Variants in ADARB2 observed in about 807,000 individuals in gnomAD.
The protein encoded by ADARB2 is inactive double-stranded RNA-specific editase B2.
ADARB2 carries 25 observed loss-of-function variants against 62.2 expected under a neutral mutation model. That is an observed-to-expected ratio of 0.40 (90% CI 0.29 to 0.56). The LOEUF (loss-of-function observed/expected upper bound fraction) is 0.56. Ranked by LOEUF, ADARB2 falls within the 20% of genes least tolerant of loss-of-function variation. The pLI is 0.43. For missense variants in ADARB2, 1,071 were observed against 1,077.4 expected, an observed-to-expected ratio of 0.99 and a Z score of 0.08; for synonymous variants, 572 against 500.8, an observed-to-expected ratio of 1.14 and a Z score of -1.90.
At chr10:1,695,861 TACACACACATGCATGAGG>T (rs1445591099) in intron 1 of ADARB2, among the ~76,000 whole-genome samples, 8 of 151,942 alleles carry the variant, frequency 5.3e-5, no homozygotes, top group Admixed American at 1.3e-4. Context: ...TGCATCCATG[TACACACACATGCATGAGG>T]ACACACACAT....
At chr10:1,263,039 C>G (rs11250365) in intron 4 of ADARB2, among the ~76,000 whole-genome samples, 54,828 of 149,364 alleles carry the variant, frequency 0.37, 10,149 homozygotes, top group South Asian at 0.52. Flanking sequence ...GGACAAAAAA[C>G]CAAACACTGC....
At chr10:1,357,481 GT>G (rs11405570) in intron 3 of ADARB2, among the ~76,000 whole-genome samples, 1 of 151,850 alleles carries the variant, frequency 6.6e-6, no homozygotes, top group East Asian at 1.9e-4. Context: ...GGGATGCATG[GT>G]TTTTTTAGCA....
chr10:1,517,847 TC>T (rs1480075096), intron 1 of ADARB2, among the ~76,000 whole-genome samples: 1 of 152,032 alleles, frequency 6.6e-6, no homozygotes, highest in Non-Finnish European at 1.5e-5. Context: ...CTCCTGTGAA[TC>T]CCCAGGATAG....
At chr10:1,581,596 A>T (rs550607293) in intron 1 of ADARB2, among the ~76,000 whole-genome samples, 1 of 152,332 alleles carries the variant, frequency 6.6e-6, no homozygotes, top group South Asian at 2.1e-4. Context: ...AGAGTATCTG[A>T]TACTACTCAC....
intron 1 of ADARB2, among the ~76,000 whole-genome samples, chr10:1,666,601 A>T (rs1282535504): frequency 6.6e-6 from 1 of 152,132 alleles, no homozygotes; most frequent in Non-Finnish European, 1.5e-5. Context: ...GCCGAGGGGG[A>T]ATTCTGAATG....
At chr10:1,554,563 A>C (rs993078332) in intron 1 of ADARB2, among the ~76,000 whole-genome samples, 4 of 151,940 alleles carry the variant, frequency 2.6e-5, no homozygotes, top group Admixed American at 1.3e-4. Context: ...AGGTGACTTC[A>C]GGGCACAGAT....
intron 1 of ADARB2, among the ~76,000 whole-genome samples, chr10:1,459,215 C>T (rs1176874032): frequency 1.3e-5 from 2 of 152,148 alleles, no homozygotes; most frequent in African/African-American, 4.8e-5. Context: ...ATCATAAAGA[C>T]GTACGCACGT....
chr10:1,654,314 C>T (rs1270449593), intron 1 of ADARB2, among the ~76,000 whole-genome samples: 1 of 152,156 alleles, frequency 6.6e-6, no homozygotes, highest in Non-Finnish European at 1.5e-5. Flanking sequence ...ACGCCTCCCC[C>T]GAGGGTCTTA....
chr10:1,665,474 C>T (rs1338657224), intron 1 of ADARB2, among the ~76,000 whole-genome samples: 7 of 152,248 alleles, frequency 4.6e-5, no homozygotes, highest in African/African-American at 1.4e-4. Flanking sequence ...AGGACCTCCA[C>T]GAATGCCTTC....
chr10:1,645,981 C>G (rs763481690), intron 1 of ADARB2, among the ~76,000 whole-genome samples: 1 of 152,200 alleles, frequency 6.6e-6, no homozygotes, highest in African/African-American at 2.4e-5. Context: ...AGACATGAAA[C>G]AGATAATGAC....
chr10:1,646,487 G>A (rs1486468993), intron 1 of ADARB2, among the ~76,000 whole-genome samples: 2 of 152,218 alleles, frequency 1.3e-5, no homozygotes, highest in African/African-American at 4.8e-5. Context: ...TGTGGGTCTT[G>A]ATGACTATTG....
At chr10:1,396,625 C>T (rs576998106) in intron 1 of ADARB2, among the ~76,000 whole-genome samples, 23 of 151,056 alleles carry the variant, frequency 1.5e-4, no homozygotes, top group Non-Finnish European at 2.5e-4. Context: ...TCTCCCCTCC[C>T]GAGTGCAGGC....
At chr10:1,529,907 C>A (rs1832202524) in intron 1 of ADARB2, among the ~76,000 whole-genome samples, 2 of 39,638 alleles carry the variant, frequency 5.0e-5, no homozygotes, top group Non-Finnish European at 8.1e-5. Flanking sequence ...ACCACGGACA[C>A]CCATCCACTG....
At chr10:1,602,656 A>C (rs1312783839) in intron 1 of ADARB2, among the ~76,000 whole-genome samples, 2 of 151,350 alleles carry the variant, frequency 1.3e-5, no homozygotes, top group African/African-American at 2.4e-5. Context: ...ACACACCTGT[A>C]CATACACATC....
chr10:1,504,075 A>T (rs536861645), intron 1 of ADARB2, among the ~76,000 whole-genome samples: 28 of 152,248 alleles, frequency 1.8e-4, no homozygotes, highest in Non-Finnish European at 3.4e-4. Context: ...TCACTCTGCC[A>T]GTATTTCATG....
chr10:1,661,626 A>T (rs979136590), intron 1 of ADARB2, among the ~76,000 whole-genome samples: 9 of 152,338 alleles, frequency 5.9e-5, no homozygotes, highest in African/African-American at 1.7e-4. Context: ...TGGGGAGTAC[A>T]GAACCAGCCC....
intron 3 of ADARB2, among the ~76,000 whole-genome samples, chr10:1,277,562 G>T (rs1328371571): frequency 2.6e-5 from 4 of 152,028 alleles, no homozygotes; most frequent in African/African-American, 9.7e-5. Flanking sequence ...AGGAAGAAGT[G>T]GAATCTCTGA....
intron 4 of ADARB2, among the ~76,000 whole-genome samples, chr10:1,268,650 T>C (rs1192138801): frequency 6.6e-6 from 1 of 152,188 alleles, no homozygotes; most frequent in Non-Finnish European, 1.5e-5. Flanking sequence ...TTTAAGTAAA[T>C]GAGTATCTAA....
At chr10:1,556,956 G>C in intron 1 of ADARB2, 1 of 408,994 alleles carries the variant, frequency 2.4e-6, no homozygotes, top group South Asian at 1.9e-5. Flanking sequence ...TAATAACTTG[G>C]TCTTTAATCC....
Sources: gnomAD v4.1 joint callset for allele counts (sites outside exome capture counted in the v4.1 genomes callset) on GRCh38, gnomAD v4.1.1 for gene constraint, MANE v1.5 for transcripts, NCBI Gene and HGNC (gene_info 2026-07-23, HGNC 2026-07-21) for gene names.